Variants in ZNF487 observed in about 807,000 individuals in gnomAD.
ZNF487 encodes KRAB domain only 1.
Under a neutral mutation model 3.0 loss-of-function variants are expected in ZNF487, and 4 were observed. That is an observed-to-expected ratio of 1.35 (90% CI 0.66 to 3.08). The LOEUF is 3.08. ZNF487 is among the 30% of genes most tolerant of loss of function. The pLI, the probability that ZNF487 is intolerant of heterozygous loss-of-function variation, is 0.01. For synonymous variants in ZNF487, 55 were observed against 34.6 expected, an observed-to-expected ratio of 1.59 and a Z score of -2.06; for missense variants, 146 against 98.7, an observed-to-expected ratio of 1.48 and a Z score of -2.03.
chr10:43,474,048 C>A (rs998196889), intron 1 of ZNF487, among the ~76,000 whole-genome samples: 1 of 151,700 alleles, frequency 6.6e-6, no homozygotes. Context: ...GTAGTCCTAG[C>A]TACTCAGGAG....
chr10:43,459,262 C>T (rs1840332901), intron 1 of ZNF487, among the ~76,000 whole-genome samples: 3 of 151,998 alleles, frequency 2.0e-5, no homozygotes, highest in Admixed American at 2.0e-4. Flanking sequence ...TGTAGTCTCA[C>T]TTTGTCTCCC....
At chr10:43,485,245 G>A (rs1841462229), downstream of ZNF487, among the ~76,000 whole-genome samples, 1 of 152,168 alleles carries the variant, frequency 6.6e-6, no homozygotes, top group African/African-American at 2.4e-5. Context: ...CATTAGAATG[G>A]AAATATAGAA....
the ZNF487 span, among the ~76,000 whole-genome samples, chr10:43,500,865 C>T: frequency 2.0e-5 from 3 of 152,252 alleles, no homozygotes; most frequent in East Asian, 5.8e-4. Context: ...TTAAAGGAAA[C>T]ATAAATATGG....
At chr10:43,489,745 T>G in the ZNF487 span, among the ~76,000 whole-genome samples, 23 of 152,152 alleles carry the variant, frequency 1.5e-4, no homozygotes, top group East Asian at 4.1e-3. Context: ...AAATGATAAA[T>G]TAGGCAAAAA....
downstream of ZNF487, among the ~76,000 whole-genome samples, chr10:43,487,375 G>A (rs1174937964): frequency 2.0e-5 from 3 of 151,698 alleles, no homozygotes; most frequent in Non-Finnish European, 4.4e-5. Context: ...TCCTGACCTC[G>A]TGATCTGCCT....
At chr10:43,465,276 G>C (rs1335909394) in intron 1 of ZNF487, among the ~76,000 whole-genome samples, 2 of 151,480 alleles carry the variant, frequency 1.3e-5, no homozygotes, top group Non-Finnish European at 2.9e-5. Context: ...GGGGCGGCTG[G>C]CCTGGCGGGG....
chr10:43,437,316 C>G (rs1409393513), intron 1 of ZNF487, 54 bp downstream of exon 1: 1 of 183,732 alleles, frequency 5.4e-6, no homozygotes, highest in Non-Finnish European at 1.2e-5. Context: ...GCCGCACACC[C>G]AGGATCGAGC....
At position 43,481,932 on chromosome 10, in the gene ZNF487, A is replaced by G; in HGVS notation, c.*10A>G. The stretch of plus-strand genomic sequence containing the variant: ...ATGGGAGACCCTGTGAATATAATGA[A>G]CATGTGAGAGCCTTTTCCGATAGAC... On this transcript the variant is annotated 3_prime_UTR_variant, in exon 4 of 4. Transcript: ENST00000437590. The G allele has an allele frequency of 3.1e-6, 2 of 642,324 alleles. No homozygotes were observed. Among genetic ancestry groups the G allele is most frequent in the Non-Finnish European group, 5.6e-6 (2 of 359,632 alleles). The allele number at this position is 642,324 out of a possible 1,614,324, so 39.8% of individuals were successfully genotyped here.
At chr10:43,454,840 C>G (rs1202963894) in intron 1 of ZNF487, among the ~76,000 whole-genome samples, 2 of 149,080 alleles carry the variant, frequency 1.3e-5, no homozygotes, top group East Asian at 2.0e-4. Context: ...TGAATCATGC[C>G]AAGTCTTCAC....
the ZNF487 span, among the ~76,000 whole-genome samples, chr10:43,510,809 G>A: frequency 6.6e-6 from 1 of 152,214 alleles, no homozygotes; most frequent in Non-Finnish European, 1.5e-5. Context: ...GCCTCCCAAA[G>A]TGCGGGGATT....
At chr10:43,514,896 T>A in the ZNF487 span, among the ~76,000 whole-genome samples, 4 of 152,272 alleles carry the variant, frequency 2.6e-5, no homozygotes, top group South Asian at 4.1e-4. Flanking sequence ...AAGTGACTAA[T>A]CCACTCCACC....
Position 43,482,757 on chromosome 10 carries a change from G to A in ZNF487, c.*835G>A. The A allele has an allele frequency of 2.1e-6, 1 of 469,586 alleles. No individual in the cohort carries two copies. The highest frequency in any genetic ancestry group is 2.5e-5 in the Admixed American group (1 of 40,220). 29.1% of individuals were successfully genotyped at this position (469,586 alleles called of 1,614,324 possible). ...AGGAGAGAGACCCTTTGAATGCAAT[G>A]AATGTCAAAAATCCTTCTCTGTGAA... On this transcript the variant is annotated 3_prime_UTR_variant, in exon 4 of 4. Transcript: ENST00000437590.
intron 1 of ZNF487, chr10:43,452,655 C>G (rs367641040): frequency 1.8e-4 from 27 of 152,308 alleles, no homozygotes; most frequent in Middle Eastern, 3.4e-3. Context: ...GCCATTGCAC[C>G]CAGCCTTAAG....
chr10:43,472,980 A>T (rs1840956971), intron 1 of ZNF487, among the ~76,000 whole-genome samples: 2 of 137,994 alleles, frequency 1.4e-5, no homozygotes, highest in Admixed American at 1.5e-4. Flanking sequence ...TGGGAGGTAG[A>T]GGTTGCAGTG....
intron 1 of ZNF487, among the ~76,000 whole-genome samples, chr10:43,442,238 AAACAACAACAAC>A (rs750766065): frequency 1.2e-4 from 18 of 148,802 alleles, no homozygotes; most frequent in South Asian, 2.1e-4. Context: ...CCTGTCTCTA[AAACAACAACAAC>A]AACAACAACA....
At chr10:43,504,277 T>TTTTC in the ZNF487 span, among the ~76,000 whole-genome samples, 219 of 140,616 alleles carry the variant, frequency 1.6e-3, 3 homozygotes, top group African/African-American at 4.6e-3. Context: ...TAGATACATG[T>TTTTC]TTTCTTTCTT....
chr10:43,519,542 A>G, the ZNF487 span, among the ~76,000 whole-genome samples: 10 of 149,736 alleles, frequency 6.7e-5, no homozygotes, highest in Non-Finnish European at 8.9e-5. Context: ...ATCTTGGCTC[A>G]CTAGAAGCTC....
intron 1 of ZNF487, chr10:43,452,747 T>C (rs1216099507): frequency 3.3e-5 from 5 of 152,108 alleles, no homozygotes; most frequent in Admixed American, 2.0e-4. Flanking sequence ...ATATTCTCTC[T>C]GTGCATGTGG....
chr10:43,483,312 C>G, downstream of ZNF487: 1 of 357,696 alleles, frequency 2.8e-6, no homozygotes, highest in South Asian at 2.2e-5. Flanking sequence ...GTGATCTTGG[C>G]TCACCGCAAC....
Sources: gnomAD v4.1 joint callset for allele counts (sites outside exome capture counted in the v4.1 genomes callset) on GRCh38, gnomAD v4.1.1 for gene constraint, MANE v1.5 for transcripts, NCBI Gene and HGNC (gene_info 2026-07-23, HGNC 2026-07-21) for gene names.